MAP2K6: variants seen among roughly 807,000 people sequenced by gnomAD.
The protein encoded by MAP2K6 is mitogen-activated protein kinase kinase 6, also known as dual specificity mitogen-activated protein kinase kinase 6.
Under a neutral mutation model 53.7 loss-of-function variants are expected in MAP2K6, and 16 were observed. The observed-to-expected ratio is 0.30, with a 90% CI of 0.20 to 0.45. The LOEUF is 0.45. Ranked by LOEUF, MAP2K6 falls within the 20% of genes least tolerant of loss-of-function variation. The pLI is 1.00. For synonymous variants in MAP2K6, 132 were observed against 143.1 expected (o/e 0.92, Z 0.55); for missense variants, 204 against 411.9 (o/e 0.50, Z 4.37).
intron 1 of MAP2K6, among the ~76,000 whole-genome samples, chr17:69,493,440 A>G (rs1014873120): frequency 3.9e-5 from 6 of 152,190 alleles, no homozygotes; most frequent in Admixed American, 1.3e-4. Flanking sequence ...AGAAAAATGA[A>G]TACAGATGAC....
intron 2 of MAP2K6, among the ~76,000 whole-genome samples, chr17:69,507,007 C>T (rs1282762172): frequency 1.3e-5 from 2 of 150,974 alleles, no homozygotes; most frequent in African/African-American, 2.4e-5. Context: ...TTCTCGTAGA[C>T]CTGTGAACTG....
chr17:69,490,472 CA>C, intron 1 of MAP2K6, among the ~76,000 whole-genome samples: 1 of 152,104 alleles, frequency 6.6e-6, no homozygotes, highest in East Asian at 1.9e-4. Flanking sequence ...GTTAAGAAGG[CA>C]AGAGAGTGAA....
At chr17:69,502,107 T>G (rs1480791483) in intron 1 of MAP2K6, 2 of 923,780 alleles carry the variant, frequency 2.2e-6, no homozygotes, top group African/African-American at 1.8e-5. Flanking sequence ...ATTTATAGAT[T>G]TATTCCTCCA....
At chr17:69,476,389 G>T (rs927399354) in intron 1 of MAP2K6, among the ~76,000 whole-genome samples, 1 of 152,130 alleles carries the variant, frequency 6.6e-6, no homozygotes, top group African/African-American at 2.4e-5. Flanking sequence ...TACTGGAATC[G>T]CAGATTGTGT....
At chr17:69,422,291 C>T (rs1016087214) in intron 1 of MAP2K6, among the ~76,000 whole-genome samples, 3 of 151,930 alleles carry the variant, frequency 2.0e-5, no homozygotes, top group Non-Finnish European at 4.4e-5. Flanking sequence ...GCCACCATAC[C>T]AGGCTAATTT....
chr17:69,521,221 A>G (rs1234000199), intron 7 of MAP2K6, 121 bp downstream of exon 7: 1 of 761,136 alleles, frequency 1.3e-6, no homozygotes, highest in Non-Finnish European at 2.2e-6. Context: ...CAAGAGAACT[A>G]AGGGGCTTTC....
At chr17:69,437,865 G>A (rs1011612287) in intron 1 of MAP2K6, among the ~76,000 whole-genome samples, 3 of 152,194 alleles carry the variant, frequency 2.0e-5, no homozygotes, top group African/African-American at 7.2e-5. Context: ...TCTGCCACTT[G>A]GCAAAAAGTC....
chr17:69,435,821 C>T (rs965940003), intron 1 of MAP2K6, among the ~76,000 whole-genome samples: 3 of 151,942 alleles, frequency 2.0e-5, no homozygotes, highest in African/African-American at 7.3e-5. Flanking sequence ...GCACCCGCCA[C>T]CATGCCTGGC....
chr17:69,463,358 T>A (rs1479011698), intron 1 of MAP2K6, among the ~76,000 whole-genome samples: 1 of 149,848 alleles, frequency 6.7e-6, no homozygotes, highest in Non-Finnish European at 1.5e-5. Flanking sequence ...TTCACTAATA[T>A]ACATATATGT....
chr17:69,542,199 CA>C lies in MAP2K6; in HGVS notation c.*456del, dbSNP rs58590521. 31,857 of 148,306 alleles carry C rather than the reference CA, an allele frequency of 0.21. 3,948 individuals carry two copies. Among genetic ancestry groups the C allele is most frequent in the African/African-American group, 0.35 (14,307 of 40,682 alleles). The allele number at this position is 148,306 out of a possible 1,614,324, so 9.2% of individuals were successfully genotyped here. A position where few individuals can be genotyped will look rare whatever the true frequency, so the allele number is the denominator to read the frequency against. On this transcript the variant is annotated 3_prime_UTR_variant, in exon 12 of 12. Coordinates refer to ENST00000590474, the MANE Select transcript of MAP2K6 (RefSeq NM_002758.4). Reference sequence around the variant, plus strand: ...TCCATTTTATACAAGAAGGGAGATTCAAAAAAAAAATATAAGGTTGGGTTAG... The same window carrying C: ...TCCATTTTATACAAGAAGGGAGATTCAAAAAAAAATATAAGGTTGGGTTAG...
chr17:69,541,416 A>T (rs1911626091), intron 11 of MAP2K6, among the ~76,000 whole-genome samples: 1 of 151,714 alleles, frequency 6.6e-6, no homozygotes, highest in South Asian at 2.1e-4. Flanking sequence ...AGACTTACGT[A>T]GCATAATTAC....
intron 2 of MAP2K6, among the ~76,000 whole-genome samples, chr17:69,511,461 A>C (rs965565350): frequency 6.6e-6 from 1 of 152,160 alleles, no homozygotes; most frequent in African/African-American, 2.4e-5. Context: ...CCCGAGTTCA[A>C]CGTGTGTGGC....
chr17:69,552,233 G>A lies in MAP2K6; in HGVS notation c.*10480G>A, dbSNP rs1912128292. 1 of 152,216 alleles carries A rather than the reference G, an allele frequency of 6.6e-6. No homozygotes were observed. Among genetic ancestry groups the A allele is most frequent in the Non-Finnish European group, 1.5e-5 (1 of 68,052 alleles). 9.4% of individuals were successfully genotyped at this position (152,216 alleles called of 1,614,324 possible). ...ATGCTAGAATGAGGTAGTTCCATAA[G>A]CTAGTTAGGAGCTTGCTACCTCTTC... On this transcript the variant is annotated 3_prime_UTR_variant, in exon 12 of 12. Transcript: ENST00000590474.
intron 1 of MAP2K6, among the ~76,000 whole-genome samples, chr17:69,490,262 G>A (rs1231812703): frequency 6.6e-6 from 1 of 151,920 alleles, no homozygotes; most frequent in African/African-American, 2.4e-5. Flanking sequence ...CCACTGAAGA[G>A]CAGGAGGGGA....
At position 69,548,864 on chromosome 17, in the gene MAP2K6, T is replaced by G. The variant is rs1186042536; in HGVS notation, c.*7111T>G. On this transcript the variant is annotated 3_prime_UTR_variant, in exon 12 of 12. Transcript: ENST00000590474. The stretch of plus-strand genomic sequence containing the variant: ...CTTTAGTGGAAGGTAATCTTTTCAG[T>G]TTCTGACCCAGATTTCTTTTTCAAG... 2 of 152,232 alleles carry G rather than the reference T, an allele frequency of 1.3e-5. No individual in the cohort carries two copies. The highest frequency in any genetic ancestry group is 2.9e-5 in the Non-Finnish European group (2 of 68,036). 9.4% of individuals were successfully genotyped at this position (152,232 alleles called of 1,614,324 possible). A position where few individuals can be genotyped will look rare whatever the true frequency, so the allele number is the denominator to read the frequency against.
At chr17:69,492,739 C>G (rs1908799208) in intron 1 of MAP2K6, among the ~76,000 whole-genome samples, 1 of 152,190 alleles carries the variant, frequency 6.6e-6, no homozygotes, top group East Asian at 1.9e-4. Flanking sequence ...AAGGACACTT[C>G]TGATTGCATT....
At position 69,521,112 on chromosome 17, in the gene MAP2K6, T is replaced by C. The variant is rs760076232; in HGVS notation, c.535+12T>C. 2.5e-6 allele frequency: 4 copies of C among 1,601,412 alleles called. No individual in the cohort carries two copies. Among genetic ancestry groups the C allele is most frequent in the South Asian group, 1.1e-5 (1 of 90,044 alleles). ...TGTCATTCACAGAGGTAAGCATCCATGAGCTGCCTTGGCTGTTCCTTTGAT... is the reference window on the plus strand; with the variant it reads ...TGTCATTCACAGAGGTAAGCATCCACGAGCTGCCTTGGCTGTTCCTTTGAT... On this transcript the variant is annotated intron_variant, in intron 7 of 11. Coordinates refer to ENST00000590474, the MANE Select transcript of MAP2K6 (RefSeq NM_002758.4).
At chr17:69,477,268 C>T (rs990570986) in intron 1 of MAP2K6, 2 of 152,208 alleles carry the variant, frequency 1.3e-5, no homozygotes, top group Non-Finnish European at 1.5e-5. Flanking sequence ...CCCATCAGAT[C>T]TTCTAGGAGA....
intron 1 of MAP2K6, among the ~76,000 whole-genome samples, chr17:69,440,073 A>T (rs1267498329): frequency 6.6e-6 from 1 of 151,598 alleles, no homozygotes; most frequent in East Asian, 1.9e-4. Flanking sequence ...TTTGAGATGA[A>T]GTCTTGCTCT....
Sources: gnomAD v4.1 joint callset for allele counts (sites outside exome capture counted in the v4.1 genomes callset) on GRCh38, gnomAD v4.1.1 for gene constraint, MANE v1.5 for transcripts, NCBI Gene and HGNC (gene_info 2026-07-23, HGNC 2026-07-21) for gene names.